Variants in NUP210 observed in about 807,000 individuals in gnomAD.
NUP210 encodes the protein nuclear pore membrane glycoprotein 210.
A neutral mutation model predicts 196.0 loss-of-function variants in NUP210; 151 were observed. The observed-to-expected ratio is 0.77, with a 90% CI of 0.67 to 0.88. The LOEUF is 0.88. Among genes scored for constraint, NUP210 ranks in the 40% least tolerant of loss-of-function variants. NUP210 has a pLI of 0.00. For missense variants in NUP210, 2,314 were observed against 2,493.7 expected (o/e 0.93, Z 1.53); for synonymous variants, 1,070 against 1,052.7 (o/e 1.02, Z -0.32).
chr3:13,317,649 T>C lies in NUP210; in HGVS notation c.*32A>G. The C allele has an allele frequency of 6.7e-7, 1 of 1,493,880 alleles. No homozygotes were observed. The highest frequency in any genetic ancestry group is 9.2e-7 in the Non-Finnish European group (1 of 1,085,506). 92.5% of individuals were successfully genotyped at this position (1,493,880 alleles called of 1,614,324 possible). A position where few individuals can be genotyped will look rare whatever the true frequency, so the allele number is the denominator to read the frequency against. On this transcript the variant is annotated 3_prime_UTR_variant, in exon 40 of 40. Coordinates refer to ENST00000254508, the MANE Select transcript of NUP210 (RefSeq NM_024923.4). ...ATCTTGGGGGTGCACGAGGCTCGGC[T>C]GAGACCCATCCTCCGGGAACCTTCA...
At chr3:13,372,542 C>T (rs1698766203) in intron 12 of NUP210, among the ~76,000 whole-genome samples, 1 of 152,218 alleles carries the variant, frequency 6.6e-6, no homozygotes, top group Non-Finnish European at 1.5e-5. Context: ...AGAGATGCGA[C>T]AGCTTGAGCC....
Position 13,340,140 on chromosome 3 carries a change from T to G in NUP210, c.3291+96A>C. On this transcript the variant is annotated intron_variant, in intron 24 of 39. Transcript: ENST00000254508. This position sits in a 1 kb window ranked among gnomAD's most constrained non-coding sequence, Gnocchi z 4.0. ...AGTGCAGGCAGCTTCTGCCTTCTTCTCCCAGTCACTGCACGCAGGGCCAGA... is the reference window on the plus strand; with the variant it reads ...AGTGCAGGCAGCTTCTGCCTTCTTCGCCCAGTCACTGCACGCAGGGCCAGA... 6.2e-7 allele frequency: 1 copy of G among 1,601,586 alleles called. No homozygotes were observed. Among genetic ancestry groups the G allele is most frequent in the Admixed American group, 1.7e-5 (1 of 59,622 alleles).
At chr3:13,418,069 C>G (rs1700404938) in intron 1 of NUP210, among the ~76,000 whole-genome samples, 1 of 152,220 alleles carries the variant, frequency 6.6e-6, no homozygotes, top group East Asian at 1.9e-4. Flanking sequence ...ACTGAGAGGA[C>G]AGACAGCTTC....
intron 26 of NUP210, among the ~76,000 whole-genome samples, chr3:13,337,251 C>T (rs1697253153): frequency 6.6e-6 from 1 of 152,218 alleles, no homozygotes; most frequent in African/African-American, 2.4e-5. Flanking sequence ...CCTCCGGGCC[C>T]CTCTCTCCTA....
In NUP210 at chr3:13,358,606, G is replaced by C. The variant is rs190798458; in HGVS notation, c.2155-211C>G. ...TCAACACCTAAGAGACTCTCAGATGGGAGCCCATGTGCCCTATGGGCTGCT... is the reference window on the plus strand; with the variant it reads ...TCAACACCTAAGAGACTCTCAGATGCGAGCCCATGTGCCCTATGGGCTGCT... On this transcript the variant is annotated intron_variant, in intron 15 of 39. Coordinates refer to ENST00000254508, the MANE Select transcript of NUP210 (RefSeq NM_024923.4). Among the ~76,000 whole-genome samples the C allele has an allele frequency of 4.0e-3, 616 of 152,254 alleles. 2 individuals carry two copies. The highest frequency in any genetic ancestry group is 6.6e-3 in the Non-Finnish European group (447 of 68,002).
At chr3:13,401,056 G>T (rs1035340316) in intron 1 of NUP210, among the ~76,000 whole-genome samples, 1 of 151,926 alleles carries the variant, frequency 6.6e-6, no homozygotes, top group African/African-American at 2.4e-5. Flanking sequence ...TCAGGAGTTC[G>T]AGACCAGCCT....
chr3:13,367,556 A>G (rs1698582820), intron 13 of NUP210, among the ~76,000 whole-genome samples: 1 of 152,166 alleles, frequency 6.6e-6, no homozygotes, highest in Non-Finnish European at 1.5e-5. Flanking sequence ...CTGTACCCCC[A>G]GAATCTCCTG....
rs1696317628 is a variant in NUP210, at chr3:13,317,553, T to C, written c.*128A>G. 2.8e-6 allele frequency: 2 copies of C among 711,842 alleles called. No homozygotes were observed. Among genetic ancestry groups the C allele is most frequent in the South Asian group, 3.1e-5 (2 of 63,580 alleles). The allele number at this position is 711,842 out of a possible 1,614,324, so 44.1% of individuals were successfully genotyped here. A position where few individuals can be genotyped will look rare whatever the true frequency, so the allele number is the denominator to read the frequency against. ...ACAGCTCTGTGTGAAGAGACGGCAG[T>C]GAAGCTGGCCTGGGGCCGGGGCACT... On this transcript the variant is annotated 3_prime_UTR_variant, in exon 40 of 40. Transcript: ENST00000254508.
chr3:13,411,826 C>T (rs558937867), intron 1 of NUP210, among the ~76,000 whole-genome samples: 70 of 152,286 alleles, frequency 4.6e-4, no homozygotes, highest in South Asian at 8.3e-4. Context: ...CTGCCACCTC[C>T]GCCTCCCGGG....
chr3:13,399,943 C>A, intron 1 of NUP210, 82 bp from the exon 2 acceptor site: 1 of 1,490,162 alleles, frequency 6.7e-7, no homozygotes, highest in Non-Finnish European at 9.0e-7. Flanking sequence ...CTGTGGCACC[C>A]GTCTAGGGCG....
At chr3:13,381,891 T>C (rs1699113712) in intron 6 of NUP210, among the ~76,000 whole-genome samples, 3 of 152,028 alleles carry the variant, frequency 2.0e-5, no homozygotes, top group Admixed American at 2.0e-4. Flanking sequence ...GCTCCAGGGA[T>C]GACCATGGAG....
intron 1 of NUP210, among the ~76,000 whole-genome samples, chr3:13,406,594 GA>G (rs1402583256): frequency 6.6e-6 from 1 of 152,004 alleles, no homozygotes; most frequent in Non-Finnish European, 1.5e-5. Context: ...GCCACCCACC[GA>G]AGCCAGGTCA....
intron 9 of NUP210, among the ~76,000 whole-genome samples, chr3:13,376,651 T>C (rs556034533): frequency 2.6e-5 from 4 of 152,200 alleles, no homozygotes; most frequent in Admixed American, 6.5e-5. Flanking sequence ...CCTCCCTGCA[T>C]GGCCTGATGA....
In NUP210 at chr3:13,328,773, G is replaced by C. The variant is rs865818117; in HGVS notation, c.4284C>G (p.Asn1428Lys). ...AATGACCCTTGCCCACATCCTACCT[G>C]TTAGTGGCAAAGTTGAGGACCGAAC... The part of the protein sequence containing the change: ...AHSSVLNFAT[N>K]RDDFVQIGKG... Residue 1428 changes from asparagine (N) to lysine (K), a missense_variant and splice_region_variant, in exon 31 of 40, where the codon AAC (asparagine) becomes AAG (lysine). Coordinates refer to ENST00000254508, the MANE Select transcript of NUP210 (RefSeq NM_024923.4). The C allele has an allele frequency of 1.2e-6, 2 of 1,614,034 alleles. No homozygotes were observed. The highest frequency in any genetic ancestry group is 3.3e-4 in the Middle Eastern group (2 of 6,062).
chr3:13,339,715 G>C lies in NUP210; in HGVS notation c.3471+139C>G, dbSNP rs574364513. On this transcript the variant is annotated intron_variant, in intron 25 of 39. Transcript: ENST00000254508. ...ATTGGCAGGGCTGTCCTGCACCAGG[G>C]CCCCTGCAGTGACTGCAGACCCAGG... The C allele has an allele frequency of 4.7e-5, 35 of 741,790 alleles. No individual in the cohort carries two copies. The African/African-American group carries it at 4.9e-4, about 10-fold the overall frequency. The allele number at this position is 741,790 out of a possible 1,614,324, so 46.0% of individuals were successfully genotyped here. A position where few individuals can be genotyped will look rare whatever the true frequency, so the allele number is the denominator to read the frequency against.
chr3:13,413,041 C>A (rs1488164728), intron 1 of NUP210, among the ~76,000 whole-genome samples: 1 of 150,486 alleles, frequency 6.6e-6, no homozygotes, highest in African/African-American at 2.5e-5. Context: ...CCGAGGCAGG[C>A]AGATCACGAG....
intron 6 of NUP210, among the ~76,000 whole-genome samples, chr3:13,384,546 T>G (rs9836501): frequency 0.59 from 89,163 of 152,054 alleles, 27,462 homozygotes; most frequent in African/African-American, 0.78. Context: ...ATCAGACTGG[T>G]CAACATAGCA....
chr3:13,325,321 A>G (rs1267707792), intron 33 of NUP210, among the ~76,000 whole-genome samples: 1 of 152,246 alleles, frequency 6.6e-6, no homozygotes, highest in East Asian at 1.9e-4. Flanking sequence ...AGGTTCCATA[A>G]AGCACATGCT....
Position 13,348,921 on chromosome 3 carries a change from G to A in NUP210, c.2835+2958C>T, listed in dbSNP as rs1418298786. 1 of 984,320 alleles carries A rather than the reference G, an allele frequency of 1.0e-6. No individual in the cohort carries two copies. Among genetic ancestry groups the A allele is most frequent in the Non-Finnish European group, 1.2e-6 (1 of 828,938 alleles). 61.0% of individuals were successfully genotyped at this position (984,320 alleles called of 1,614,324 possible). ...AATTAAAAAACTTATTAAACAGGGG[G>A]TGTTTCACACAAAAATAGAGATCTC... On this transcript the variant is annotated intron_variant, in intron 20 of 39. Coordinates refer to ENST00000254508, the MANE Select transcript of NUP210 (RefSeq NM_024923.4). This position sits in a 1 kb window ranked among gnomAD's most constrained non-coding sequence, Gnocchi z 4.0.
Sources: allele counts gnomAD v4.1 joint callset (sites outside exome capture counted in the v4.1 genomes callset), GRCh38; gene constraint gnomAD v4.1.1; non-coding constraint Gnocchi (gnomAD v3.1); transcripts MANE v1.5; gene names NCBI Gene and HGNC (gene_info 2026-07-23, HGNC 2026-07-21).